Variants in OSBPL10 observed in about 807,000 individuals in gnomAD.
The protein encoded by OSBPL10 is oxysterol-binding protein-related protein 10.
OSBPL10 carries 49 observed loss-of-function variants against 81.7 expected under a neutral mutation model. The observed-to-expected ratio is 0.60, with a 90% CI of 0.48 to 0.76. OSBPL10 has a LOEUF of 0.76. Ranked by LOEUF, OSBPL10 falls within the 30% of genes least tolerant of loss-of-function variation. OSBPL10 has a pLI of 0.00. For synonymous variants in OSBPL10, 419 were observed against 383.6 expected (o/e 1.09, Z -1.08); for missense variants, 923 against 987.8 (o/e 0.93, Z 0.88).
Position 31,980,965 on chromosome 3 carries a change from C to G in OSBPL10, c.215G>C (p.Arg72Thr). ...AASPSGGGGR[R>T]REPALEGVLS... Reference sequence around the variant, plus strand: ...CACGCCCTCGAGCGCCGGCTCCCTCCTGCGGCCGCCTCCCCCGGACGGGCT... The same window carrying G: ...CACGCCCTCGAGCGCCGGCTCCCTCGTGCGGCCGCCTCCCCCGGACGGGCT... Residue 72 changes from arginine (R) to threonine (T), a missense_variant, in exon 1 of 12, where the codon AGG becomes ACG. By Grantham distance (71) the Arg-to-Thr change is moderately conservative. This residue lies in a region of OSBPL10 where 514 missense variants were observed against 508.0 expected (regional missense o/e 1.01). Coordinates refer to ENST00000396556, the MANE Select transcript of OSBPL10 (RefSeq NM_017784.5). The G allele has an allele frequency of 6.4e-7, 1 of 1,570,104 alleles. No individual in the cohort carries two copies. The highest frequency in any genetic ancestry group is 1.1e-5 in the South Asian group (1 of 87,128).
At chr3:31,662,853 G>A in intron 11 of OSBPL10, 1 of 985,442 alleles carries the variant, frequency 1.0e-6, no homozygotes, top group Non-Finnish European at 1.2e-6. Flanking sequence ...CAAGAGAAAA[G>A]GGAGCTAACC....
chr3:31,954,696 T>A (rs754779203), intron 1 of OSBPL10, among the ~76,000 whole-genome samples: 1 of 152,298 alleles, frequency 6.6e-6, no homozygotes, highest in Non-Finnish European at 1.5e-5. Flanking sequence ...TGGGTAAAAA[T>A]GCATGCAGTT....
intron 4 of OSBPL10, among the ~76,000 whole-genome samples, chr3:31,762,986 C>T (rs1040025063): frequency 6.6e-6 from 1 of 152,238 alleles, no homozygotes; most frequent in South Asian, 2.1e-4. Context: ...GCATGGCCTT[C>T]CCCCTAGAAG....
At chr3:32,007,792 C>T (rs1454271976) in intron 2 of OSBPL10, among the ~76,000 whole-genome samples, 1 of 152,046 alleles carries the variant, frequency 6.6e-6, no homozygotes, top group Admixed American at 6.6e-5. Flanking sequence ...CTGCAACCTC[C>T]ATCTCCCGAG....
chr3:31,828,970 A>G (rs903227350), intron 4 of OSBPL10, among the ~76,000 whole-genome samples: 19 of 152,222 alleles, frequency 1.2e-4, no homozygotes, highest in African/African-American at 4.6e-4. Context: ...TTTCAAGAAA[A>G]AAAAATTGTC....
rs375630436 is a variant in OSBPL10 at position 31,933,134 on chromosome 3, G to A, written c.281+47765C>T. ...AAATGAGAAGTTACTCCAGTTTTACGCATGGAGAAACTGATCACTGAAATG... is the reference window on the plus strand; with the variant it reads ...AAATGAGAAGTTACTCCAGTTTTACACATGGAGAAACTGATCACTGAAATG... On this transcript the variant is annotated intron_variant, in intron 1 of 11. Coordinates refer to ENST00000396556, the MANE Select transcript of OSBPL10 (RefSeq NM_017784.5). Among the ~76,000 whole-genome samples, 243 of 152,190 alleles carry A rather than the reference G, an allele frequency of 1.6e-3. 2 individuals are homozygous for A. Among genetic ancestry groups the A allele is most frequent in the African/African-American group, 5.6e-3 (233 of 41,524 alleles).
At chr3:31,901,998 C>G (rs1365359674) in intron 1 of OSBPL10, among the ~76,000 whole-genome samples, 1 of 152,078 alleles carries the variant, frequency 6.6e-6, no homozygotes, top group Non-Finnish European at 1.5e-5. Context: ...CCACTGCACT[C>G]CAGCCTGGGC....
At chr3:31,746,236 T>G (rs989881813) in intron 5 of OSBPL10, among the ~76,000 whole-genome samples, 1 of 152,204 alleles carries the variant, frequency 6.6e-6, no homozygotes, top group Admixed American at 6.5e-5. Flanking sequence ...TCTAGAGGTA[T>G]CCTCATGAGG....
In OSBPL10 at chr3:31,981,049, G is replaced by A. The variant is rs1184384937; in HGVS notation, c.131C>T (p.Ser44Leu). 4 of 1,481,260 alleles carry A rather than the reference G, an allele frequency of 2.7e-6. No individual in the cohort carries two copies. Among genetic ancestry groups the A allele is most frequent in the Non-Finnish European group, 3.6e-6 (4 of 1,120,174 alleles). The allele number at this position is 1,481,260 out of a possible 1,614,324, so 91.8% of individuals were successfully genotyped here. The change falls in exon 1 of 12, where the codon TCG becomes TTG. Residue 44 changes from serine to leucine, a missense_variant. Transcript: ENST00000396556. This position sits in a 1 kb window ranked among gnomAD's most constrained non-coding sequence, Gnocchi z 4.5. ...SLAGRGVSSR[S>L]AAAGLGGGGS... ...CCCGCCGCCGAGCCCGGCCGCCGCC[G>A]ACCGGCTGGAGACCCCCCGGCCCGC...
chr3:31,875,555 T>TAA lies in OSBPL10; in HGVS notation c.537+876_537+877dup, dbSNP rs60853105. On this transcript the variant is annotated intron_variant, in intron 3 of 11. Coordinates refer to ENST00000396556, the MANE Select transcript of OSBPL10 (RefSeq NM_017784.5). ...AGTTAAGGAAAAGGGGATGTTTCTT[T>TAA]AAAAAAAAAAAAAAAAAGCATTATG... 6.6e-3 allele frequency among the ~76,000 whole-genome samples: 955 copies of TAA among 143,638 alleles called. 14 individuals are homozygous for TAA. The highest frequency in any genetic ancestry group is 0.022 in the East Asian group (107 of 4,926). 94.2% of individuals were successfully genotyped at this position (143,638 alleles called of 152,430 possible).
chr3:32,060,299 G>T (rs1699744791), intron 1 of OSBPL10, among the ~76,000 whole-genome samples: 5 of 152,144 alleles, frequency 3.3e-5, no homozygotes, highest in Admixed American at 2.6e-4. Context: ...GCACCAGTTT[G>T]CATCTTGTTG....
intron 4 of OSBPL10, among the ~76,000 whole-genome samples, chr3:31,799,378 T>TTA: frequency 3.7e-5 from 1 of 26,950 alleles, no homozygotes; most frequent in Non-Finnish European, 9.5e-5. Context: ...CCCTATCTCT[T>TTA]TAAAAAAAAA....
At chr3:32,039,215 A>T (rs1699548196) in intron 2 of OSBPL10, among the ~76,000 whole-genome samples, 1 of 151,738 alleles carries the variant, frequency 6.6e-6, no homozygotes, top group Non-Finnish European at 1.5e-5. Context: ...AATCTCAGCT[A>T]CTTAGGAGGC....
intron 1 of OSBPL10, among the ~76,000 whole-genome samples, chr3:31,889,819 G>T (rs1331597558): frequency 6.6e-6 from 1 of 152,160 alleles, no homozygotes; most frequent in Non-Finnish European, 1.5e-5. Context: ...CCAGCACAAA[G>T]AAATGATAAA....
chr3:31,884,489 C>T (rs932207901), intron 1 of OSBPL10, among the ~76,000 whole-genome samples: 24 of 152,204 alleles, frequency 1.6e-4, no homozygotes, highest in Non-Finnish European at 4.4e-5. Context: ...GTTAAGTCAG[C>T]TTGTGTCATA....
At chr3:31,800,592 A>T (rs1699354482) in intron 4 of OSBPL10, among the ~76,000 whole-genome samples, 1 of 152,262 alleles carries the variant, frequency 6.6e-6, no homozygotes, top group South Asian at 2.1e-4. Context: ...CACTGAAAGC[A>T]AATGAGTAGG....
chr3:32,026,527 C>A (rs1699415506), intron 2 of OSBPL10, among the ~76,000 whole-genome samples: 1 of 152,108 alleles, frequency 6.6e-6, no homozygotes, highest in Admixed American at 6.6e-5. Flanking sequence ...ATTAAAGGAA[C>A]CCTTAAAGGA....
At chr3:31,834,657 G>C (rs988104092) in intron 3 of OSBPL10, among the ~76,000 whole-genome samples, 1 of 152,176 alleles carries the variant, frequency 6.6e-6, no homozygotes, top group South Asian at 2.1e-4. Flanking sequence ...TTGGGAAAGG[G>C]GTGCTTGGAA....
At chr3:32,035,711 G>A (rs543471717) in intron 2 of OSBPL10, among the ~76,000 whole-genome samples, 56 of 152,120 alleles carry the variant, frequency 3.7e-4, no homozygotes, top group Non-Finnish European at 7.4e-4. Flanking sequence ...TTTCTGGTAG[G>A]AAAAGAACCT....
Sources: allele counts gnomAD v4.1 joint callset (sites outside exome capture counted in the v4.1 genomes callset), GRCh38; gene constraint gnomAD v4.1.1; regional missense constraint gnomAD v4.1.1; non-coding constraint Gnocchi (gnomAD v3.1); transcripts MANE v1.5; gene names NCBI Gene and HGNC (gene_info 2026-07-23, HGNC 2026-07-21).